Variants in TIMP3 observed in about 807,000 individuals in gnomAD.
The protein encoded by TIMP3 is metalloproteinase inhibitor 3.
A neutral mutation model predicts 30.0 loss-of-function variants in TIMP3; 11 were observed. The observed-to-expected ratio is 0.37, with a 90% CI of 0.23 to 0.61. The LOEUF (loss-of-function observed/expected upper bound fraction) is 0.61. TIMP3 is among the 20% of genes least tolerant of loss of function. The pLI, the probability that TIMP3 is intolerant of heterozygous loss-of-function variation, is 0.70. For missense variants in TIMP3, 181 were observed against 276.8 expected (o/e 0.65, Z 2.45); for synonymous variants, 112 against 111.3 (o/e 1.01, Z -0.04).
In TIMP3 at chr22:32,859,534, T is replaced by C. The variant is rs546207670; in HGVS notation, c.*157T>C. ...AAAGGTCTATGCTGTCATATGGGGT[T>C]TATTGGGAACTATCCTCCTGGCCCC... On this transcript the variant is annotated 3_prime_UTR_variant, in exon 5 of 5. Coordinates refer to ENST00000266085, the MANE Select transcript of TIMP3 (RefSeq NM_000362.5). The C allele has an allele frequency of 1.8e-5, 17 of 964,492 alleles. No homozygotes were observed. In the Admixed American group the frequency reaches 4.5e-4, roughly 26 times the overall value. 59.7% of individuals were successfully genotyped at this position (964,492 alleles called of 1,614,324 possible). A position where few individuals can be genotyped will look rare whatever the true frequency, so the allele number is the denominator to read the frequency against.
chr22:32,836,606 AT>A (rs2047736284), intron 1 of TIMP3, among the ~76,000 whole-genome samples: 1 of 152,168 alleles, frequency 6.6e-6, no homozygotes, highest in Admixed American at 6.5e-5. Flanking sequence ...TTGAAGACCT[AT>A]GTATGGGCTC....
chr22:32,850,564 C>T (rs1041176008), intron 2 of TIMP3, among the ~76,000 whole-genome samples: 5 of 152,126 alleles, frequency 3.3e-5, no homozygotes, highest in Non-Finnish European at 5.9e-5. Context: ...CCAGGGAGGC[C>T]GTGAGGGAGA....
rs1165265057 is a variant in TIMP3 at position 32,861,162 on chromosome 22, T to C, written c.*1785T>C. 1 of 125,392 alleles carries C rather than the reference T, an allele frequency of 8.0e-6. No homozygotes were observed. Among genetic ancestry groups the C allele is most frequent in the Non-Finnish European group, 1.6e-5 (1 of 61,376 alleles). 7.8% of individuals were successfully genotyped at this position (125,392 alleles called of 1,614,324 possible). A position where few individuals can be genotyped will look rare whatever the true frequency, so the allele number is the denominator to read the frequency against. On this transcript the variant is annotated 3_prime_UTR_variant, in exon 5 of 5. Coordinates refer to ENST00000266085, the MANE Select transcript of TIMP3 (RefSeq NM_000362.5). ...CCACTTTAGGAAACAGAGCTGCCAATTGAAACAGAAGAAGAAAAAAAAAAA... is the reference window on the plus strand; with the variant it reads ...CCACTTTAGGAAACAGAGCTGCCAACTGAAACAGAAGAAGAAAAAAAAAAA...
intron 1 of TIMP3, among the ~76,000 whole-genome samples, chr22:32,812,801 A>C (rs1420083927): frequency 1.3e-5 from 2 of 152,256 alleles, no homozygotes; most frequent in African/African-American, 4.8e-5. Flanking sequence ...CCCATTGGGC[A>C]GTCACTATCT....
At position 32,837,198 on chromosome 22, in the gene TIMP3, A is replaced by G. The variant is rs981255997; in HGVS notation, c.122-12254A>G. On this transcript the variant is annotated intron_variant, in intron 1 of 4. Transcript: ENST00000266085. This position sits in a 1 kb window ranked among gnomAD's most constrained non-coding sequence, Gnocchi z 4.1. ...TCTGAGAACCGTTTGAGGGCATGGT[A>G]TTTTTCTGGGCACTGCTTCAAAGGG... 5.3e-5 allele frequency among the ~76,000 whole-genome samples: 8 copies of G among 152,148 alleles called. No homozygotes were observed. The highest frequency in any genetic ancestry group is 1.9e-4 in the African/African-American group (8 of 41,434).
intron 1 of TIMP3, among the ~76,000 whole-genome samples, chr22:32,827,583 A>G (rs1053667933): frequency 1.4e-5 from 2 of 138,750 alleles, no homozygotes; most frequent in African/African-American, 2.8e-5. Context: ...GGTTATGACT[A>G]TCATGAACTC....
intron 1 of TIMP3, among the ~76,000 whole-genome samples, chr22:32,836,724 G>C (rs931294654): frequency 2.4e-4 from 36 of 152,148 alleles, no homozygotes; most frequent in African/African-American, 7.5e-4. Context: ...GCAGCAGGTG[G>C]GCCTTCCAAA....
chr22:32,849,519 C>A lies in TIMP3; in HGVS notation c.189C>A (p.Thr63=). ...GGCCCTTCGGCACGCTGGTCTACAC[C>A]ATCAAGCAGATGAAGGTAGGTAATG... ...KEGPFGTLVY[T]IKQMKMYRGF... is the part of the protein sequence containing the mutation. Residue 63 remains threonine (T), a synonymous_variant, in exon 2 of 5, where the codon ACC becomes ACA. Transcript: ENST00000266085. 6.2e-7 allele frequency: 1 copy of A among 1,613,462 alleles called. No homozygotes were observed. Among genetic ancestry groups the A allele is most frequent in the South Asian group, 1.1e-5 (1 of 90,914 alleles).
At chr22:32,807,964 T>G (rs1270728405) in intron 1 of TIMP3, among the ~76,000 whole-genome samples, 2 of 152,148 alleles carry the variant, frequency 1.3e-5, no homozygotes, top group African/African-American at 4.8e-5. Flanking sequence ...TTTTATTGAC[T>G]TACTGAGTGT....
chr22:32,835,753 C>G (rs77714555), intron 1 of TIMP3, among the ~76,000 whole-genome samples: 1 of 152,218 alleles, frequency 6.6e-6, no homozygotes, highest in Non-Finnish European at 1.5e-5. Context: ...TACTGGACTT[C>G]TCTCTTCCTG....
chr22:32,833,970 C>T (rs1170890069), intron 1 of TIMP3: 3 of 471,570 alleles, frequency 6.4e-6, no homozygotes, highest in South Asian at 1.5e-5. Flanking sequence ...GAACTACCCA[C>T]ATGACCATCC....
rs1044262645 is a variant in TIMP3 at position 32,837,966 on chromosome 22, C to A, written c.122-11486C>A. 6.6e-6 allele frequency among the ~76,000 whole-genome samples: 1 copy of A among 152,202 alleles called. No homozygotes were observed. The highest frequency in any genetic ancestry group is 2.4e-5 in the African/African-American group (1 of 41,470). ...GTCCTCTCCTTTCTCTTTCTCTTAA[C>A]TGTCTCTAGTGATTCTCTGATCCCA... On this transcript the variant is annotated intron_variant, in intron 1 of 4. Transcript: ENST00000266085. This position sits in a 1 kb window ranked among gnomAD's most constrained non-coding sequence, Gnocchi z 4.1.
chr22:32,834,696 A>G (rs1033028706), intron 1 of TIMP3, among the ~76,000 whole-genome samples: 1 of 152,182 alleles, frequency 6.6e-6, no homozygotes, highest in African/African-American at 2.4e-5. Context: ...GCCCTCCTTC[A>G]AAGAGGACAG....
intron 1 of TIMP3, among the ~76,000 whole-genome samples, chr22:32,829,251 C>T (rs1402293138): frequency 4.6e-5 from 7 of 152,234 alleles, no homozygotes; most frequent in African/African-American, 1.7e-4. Flanking sequence ...GATCTAAACC[C>T]TCCTTTCGTG....
intron 1 of TIMP3, among the ~76,000 whole-genome samples, chr22:32,839,636 G>A (rs2047836812): frequency 6.6e-6 from 1 of 152,134 alleles, no homozygotes; most frequent in South Asian, 2.1e-4. Context: ...AAGAAATCAA[G>A]AGTGGCTGAC....
chr22:32,823,890 G>A (rs775758374), intron 1 of TIMP3, among the ~76,000 whole-genome samples: 26 of 152,086 alleles, frequency 1.7e-4, no homozygotes, highest in Non-Finnish European at 3.7e-4. Context: ...GTGATTATAG[G>A]TGAAGGTCTT....
intron 1 of TIMP3, among the ~76,000 whole-genome samples, chr22:32,814,804 T>G (rs2047044083): frequency 6.6e-6 from 1 of 152,148 alleles, no homozygotes; most frequent in African/African-American, 2.4e-5. Context: ...GGAAAAAAAC[T>G]AGATTGATAT....
intron 1 of TIMP3, among the ~76,000 whole-genome samples, chr22:32,844,568 A>T (rs2048007884): frequency 6.6e-6 from 1 of 152,214 alleles, no homozygotes; most frequent in Admixed American, 6.5e-5. Context: ...GGCGCATGAT[A>T]TATTCAAGAG....
intron 1 of TIMP3, among the ~76,000 whole-genome samples, chr22:32,819,449 A>G (rs996891807): frequency 2.0e-5 from 3 of 152,250 alleles, no homozygotes; most frequent in Non-Finnish European, 4.4e-5. Flanking sequence ...CCACCAGCCA[A>G]CGATGGGTAT....
Sources: gnomAD v4.1 joint callset for allele counts (sites outside exome capture counted in the v4.1 genomes callset) on GRCh38, gnomAD v4.1.1 for gene constraint, Gnocchi (gnomAD v3.1) non-coding constraint, MANE v1.5 for transcripts, NCBI Gene and HGNC (gene_info 2026-07-23, HGNC 2026-07-21) for gene names.